FBXO31: variants seen among roughly 807,000 people sequenced by gnomAD.
FBXO31 encodes the protein F-box only protein 31.
FBXO31 carries 24 observed loss-of-function variants against 54.4 expected under a neutral mutation model. That is an observed-to-expected ratio of 0.44 (90% confidence interval 0.32 to 0.62). The LOEUF is 0.62. Ranked by LOEUF, FBXO31 falls within the 20% of genes least tolerant of loss-of-function variation. The pLI is 0.05. For missense variants in FBXO31, 665 were observed against 787.1 expected (o/e 0.84, Z 1.86); for synonymous variants, 388 against 335.6 (o/e 1.16, Z -1.71).
At position 87,327,302 on chromosome 16, in the gene FBXO31, CCACTGAGCTGTGGGTGACA is replaced by C; in HGVS notation, c.*3967_*3985del. 6.5e-6 allele frequency: 1 copy of C among 152,778 alleles called. No homozygotes were observed. The highest frequency in any genetic ancestry group is 2.1e-4 in the South Asian group (1 of 4,848). 9.5% of individuals were successfully genotyped at this position (152,778 alleles called of 1,614,324 possible). A position where few individuals can be genotyped will look rare whatever the true frequency, so the allele number is the denominator to read the frequency against. On this transcript the variant is annotated 3_prime_UTR_variant, in exon 9 of 9. Coordinates refer to ENST00000311635, the MANE Select transcript of FBXO31 (RefSeq NM_024735.5). ...CAGCCCCTGAGGGCCGGCAGGCAGG[CCACTGAGCTGTGGGTGACA>C]CAGGGTAGTCCACGGTTTGCACAGT...
chr16:87,335,391 G>T lies in FBXO31; in HGVS notation c.909C>A (p.Gly303=). The T allele has an allele frequency of 6.2e-7, 1 of 1,613,986 alleles. No individual in the cohort carries two copies. The change falls in exon 7 of 9, where the codon GGC becomes GGA. Residue 303 remains glycine (G), a synonymous_variant. Coordinates refer to ENST00000311635, the MANE Select transcript of FBXO31 (RefSeq NM_024735.5). The surrounding 1 kb of genome is among the most constrained non-coding windows in gnomAD (Gnocchi z 5.7). ...PSRPDDLIKP[G]LFKGTYGSHG... ...GGCTGCCATAGGTACCTTTGAAGAGGCCAGGCTTGATGAGGTCGTCGGGGC... is the reference window on the plus strand; with the variant it reads ...GGCTGCCATAGGTACCTTTGAAGAGTCCAGGCTTGATGAGGTCGTCGGGGC...
chr16:87,371,805 G>A (rs1906613995), intron 1 of FBXO31, among the ~76,000 whole-genome samples: 1 of 152,354 alleles, frequency 6.6e-6, no homozygotes, highest in South Asian at 2.1e-4. Flanking sequence ...TAGTTCTGCT[G>A]GGCAAGTCTC....
rs1461563781 is a variant in FBXO31 at position 87,343,763 on chromosome 16, C to A, written c.492G>T (p.Val164=). Residue 164 remains valine, a splice_region_variant and synonymous_variant, in exon 4 of 9, where the codon GTG becomes GTT. Transcript: ENST00000311635. ...TCCACCCGATGATGAACAGGCCGTC[C>A]ACCTACAGGAGGAGATGGGCAAAGG... is the stretch of plus-strand genomic sequence containing the variant. ...GPYGGLLNVV[V]DGLFIIGWMY... 3 of 1,614,130 alleles carry A rather than the reference C, an allele frequency of 1.9e-6. No homozygotes were observed. The South Asian group carries it at 3.3e-5, about 18-fold the overall frequency.
intron 5 of FBXO31, among the ~76,000 whole-genome samples, chr16:87,339,868 C>T (rs976559747): frequency 7.9e-5 from 12 of 152,378 alleles, no homozygotes; most frequent in African/African-American, 2.9e-4. Flanking sequence ...AGTGCAATGG[C>T]TCACAGCTAT....
Position 87,331,443 on chromosome 16 carries a change from T to G in FBXO31, c.1465A>C (p.Ile489Leu), listed in dbSNP as rs766558763. The G allele has an allele frequency of 6.2e-7, 1 of 1,613,714 alleles. No homozygotes were observed. The highest frequency in any genetic ancestry group is 1.1e-5 in the South Asian group (1 of 91,046). Reference protein sequence around the residue: ...TSPERTPGVFILFDEDRFGFV... With the variant: ...TSPERTPGVFLLFDEDRFGFV... ...CCGAAGCGGTCCTCATCGAAGAGGA[T>G]GAAGACCCCGGGGGTGCGTTCAGGG... The change falls in exon 9 of 9, where the codon ATC becomes CTC. Residue 489 changes from isoleucine to leucine, a missense_variant. Physicochemically the swap from Ile to Leu is conservative, Grantham distance 5. This residue lies in a region of FBXO31 where 71 missense variants were observed against 105.8 expected (regional missense o/e 0.67). Coordinates refer to ENST00000311635, the MANE Select transcript of FBXO31 (RefSeq NM_024735.5).
At chr16:87,374,953 T>G (rs1597378021) in intron 1 of FBXO31, among the ~76,000 whole-genome samples, 1 of 151,944 alleles carries the variant, frequency 6.6e-6, no homozygotes, top group Non-Finnish European at 1.5e-5. Flanking sequence ...GAGGCCGGGG[T>G]GGGCAGATCA....
rs921751888 is a variant in FBXO31, at chr16:87,327,926, A to G, written c.*3362T>C. 3.9e-5 allele frequency: 6 copies of G among 152,272 alleles called. No individual in the cohort carries two copies. Among genetic ancestry groups the G allele is most frequent in the Non-Finnish European group, 7.3e-5 (5 of 68,066 alleles). 9.4% of individuals were successfully genotyped at this position (152,272 alleles called of 1,614,324 possible). ...GAATAGAAACATCCTAAAAGAGCCT[A>G]GCTGCTTTCTGCAGCACCTTGGACG... On this transcript the variant is annotated 3_prime_UTR_variant, in exon 9 of 9. Transcript: ENST00000311635.
intron 1 of FBXO31, among the ~76,000 whole-genome samples, chr16:87,361,403 C>T (rs1024955871): frequency 3.9e-5 from 6 of 152,196 alleles, no homozygotes; most frequent in Admixed American, 1.3e-4. Flanking sequence ...ACACAGGAGA[C>T]GGGACGAGGT....
chr16:87,335,234 T>C lies in FBXO31; in HGVS notation c.996+70A>G. 1 of 1,597,570 alleles carries C rather than the reference T, an allele frequency of 6.3e-7. No individual in the cohort carries two copies. The highest frequency in any genetic ancestry group is 1.9e-4 in the Middle Eastern group (1 of 5,154). ...GCCGGGGATCAGTGTCTGCCCAAGT[T>C]CCCTGACTCCACAGCCCACTTGGGC... is the stretch of plus-strand genomic sequence containing the variant. On this transcript the variant is annotated intron_variant, in intron 7 of 8. Transcript: ENST00000311635. This position sits in a 1 kb window ranked among gnomAD's most constrained non-coding sequence, Gnocchi z 5.7.
At chr16:87,373,218 G>A (rs558277639) in intron 1 of FBXO31, among the ~76,000 whole-genome samples, 15 of 151,904 alleles carry the variant, frequency 9.9e-5, no homozygotes, top group African/African-American at 3.4e-4. Context: ...TTGGGAGGCC[G>A]AGGCGGGCAG....
chr16:87,344,559 G>C (rs1235008302), intron 3 of FBXO31, among the ~76,000 whole-genome samples: 1 of 152,118 alleles, frequency 6.6e-6, no homozygotes, highest in Admixed American at 6.5e-5. Context: ...TGTGGCTCAC[G>C]AGCCTGGGTC....
chr16:87,359,469 G>A (rs543618984), intron 2 of FBXO31, among the ~76,000 whole-genome samples: 49 of 152,304 alleles, frequency 3.2e-4, no homozygotes, highest in African/African-American at 1.1e-3. Flanking sequence ...TGTCCCTACC[G>A]GGACATGACT....
intron 4 of FBXO31, 43 bp from the exon 5 acceptor site, chr16:87,342,994 G>C (rs1173821568): frequency 1.9e-6 from 3 of 1,540,318 alleles, no homozygotes; most frequent in African/African-American, 1.4e-5. Flanking sequence ...GTGAGGAACA[G>C]AGTCCATCAC....
intron 8 of FBXO31, among the ~76,000 whole-genome samples, chr16:87,331,814 T>C (rs1904871187): frequency 1.3e-5 from 2 of 152,220 alleles, no homozygotes; most frequent in Admixed American, 1.3e-4. Context: ...ATTCACCCAC[T>C]GACTGCACAA....
At chr16:87,367,903 CTT>C in intron 1 of FBXO31, 1 of 152,336 alleles carries the variant, frequency 6.6e-6, no homozygotes, top group African/African-American at 2.4e-5. Context: ...AGGCTGGTGA[CTT>C]AGTTTCATGA....
chr16:87,355,458 GCTTT>G (rs1264123625), intron 2 of FBXO31, among the ~76,000 whole-genome samples: 1 of 152,186 alleles, frequency 6.6e-6, no homozygotes, highest in East Asian at 1.9e-4. Context: ...GTTGAAATTG[GCTTT>G]CTTTTTTCAC....
At chr16:87,352,290 G>A (rs1464009048) in intron 2 of FBXO31, among the ~76,000 whole-genome samples, 3 of 152,118 alleles carry the variant, frequency 2.0e-5, no homozygotes, top group Admixed American at 6.5e-5. Context: ...TGAACGTTAC[G>A]CAGTTTTTCA....
At chr16:87,370,334 G>A (rs1906545365) in intron 1 of FBXO31, among the ~76,000 whole-genome samples, 1 of 152,330 alleles carries the variant, frequency 6.6e-6, no homozygotes, top group Admixed American at 6.5e-5. Context: ...TCTGTGCACG[G>A]CACTGGCACT....
chr16:87,389,780 G>GT (rs1276318188), exon 1 of FBXO31: 3 of 152,138 alleles, frequency 2.0e-5, no homozygotes, highest in Non-Finnish European at 4.4e-5. Context: ...CCAACAGACT[G>GT]TAGCCATCTT....
Sources: allele counts gnomAD v4.1 joint callset (sites outside exome capture counted in the v4.1 genomes callset), GRCh38; gene constraint gnomAD v4.1.1; regional missense constraint gnomAD v4.1.1; non-coding constraint Gnocchi (gnomAD v3.1); transcripts MANE v1.5; gene names NCBI Gene and HGNC (gene_info 2026-07-23, HGNC 2026-07-21).